Variants in ANO3 observed in about 807,000 individuals in gnomAD.
ANO3 encodes the protein anoctamin 3, also known as anoctamin-3.
A neutral mutation model predicts 144.8 loss-of-function variants in ANO3; 99 were observed. That is an observed-to-expected ratio of 0.68 (90% CI 0.58 to 0.81). The LOEUF is 0.81. Among genes scored for constraint, ANO3 ranks in the 30% least tolerant of loss-of-function variants. ANO3 has a pLI of 0.00. For missense variants in ANO3, 905 were observed against 1,202.2 expected, an observed-to-expected ratio of 0.75 and a Z score of 3.66; for synonymous variants, 414 against 392.6, an observed-to-expected ratio of 1.05 and a Z score of -0.64.
chr11:26,491,780 T>C, intron 4 of ANO3, among the ~76,000 whole-genome samples: 1 of 152,180 alleles, frequency 6.6e-6, no homozygotes, highest in Non-Finnish European at 1.5e-5. Context: ...CCCACTTCCA[T>C]GCTCACTGCC....
At chr11:26,524,307 A>G (rs768703685) in intron 6 of ANO3, among the ~76,000 whole-genome samples, 12 of 152,210 alleles carry the variant, frequency 7.9e-5, no homozygotes, top group Non-Finnish European at 1.5e-4. Flanking sequence ...TCAATGTTCC[A>G]TATTTGAAGT....
chr11:26,293,530 CATGT>C (rs66572177), intron 1 of ANO3, among the ~76,000 whole-genome samples: 14,794 of 61,776 alleles, frequency 0.24, 3,873 homozygotes, highest in Admixed American at 0.27. Flanking sequence ...CTATAAATTC[CATGT>C]ATATATATAT....
intron 1 of ANO3, among the ~76,000 whole-genome samples, chr11:26,314,167 T>C (rs550344987): frequency 2.2e-4 from 33 of 152,250 alleles, no homozygotes; most frequent in African/African-American, 7.7e-4. Flanking sequence ...CAGCATGCCA[T>C]GTTTTCCGTC....
chr11:26,660,497 C>T lies in ANO3; in HGVS notation c.*53C>T. 6.6e-7 allele frequency: 1 copy of T among 1,504,826 alleles called. No homozygotes were observed. Among genetic ancestry groups the T allele is most frequent in the Non-Finnish European group, 8.9e-7 (1 of 1,119,868 alleles). 93.2% of individuals were successfully genotyped at this position (1,504,826 alleles called of 1,614,324 possible). The stretch of plus-strand genomic sequence containing the variant: ...TAACATTAATGGGAAGAAATGATGG[C>T]AACTTTGAATGCTAGGTGAAATCTA... On this transcript the variant is annotated 3_prime_UTR_variant, in exon 27 of 27. Transcript: ENST00000256737.
intron 1 of ANO3, among the ~76,000 whole-genome samples, chr11:26,348,546 T>C (rs1446374019): frequency 1.3e-5 from 2 of 152,218 alleles, no homozygotes; most frequent in African/African-American, 2.4e-5. Context: ...AATAAATTCC[T>C]GTCCTTAAGA....
At chr11:26,605,193 G>A (rs1301838836) in intron 17 of ANO3, among the ~76,000 whole-genome samples, 1 of 152,124 alleles carries the variant, frequency 6.6e-6, no homozygotes, top group African/African-American at 2.4e-5. Flanking sequence ...TTTTGTCGTT[G>A]GTTCTGTTAA....
intron 14 of ANO3, among the ~76,000 whole-genome samples, chr11:26,592,959 T>C (rs1851495946): frequency 6.6e-6 from 1 of 152,048 alleles, no homozygotes; most frequent in Non-Finnish European, 1.5e-5. Context: ...ATATGAGGGG[T>C]CCTTCTATAA....
At chr11:26,306,473 T>C (rs1012084356), upstream of ANO3, among the ~76,000 whole-genome samples, 2 of 151,952 alleles carry the variant, frequency 1.3e-5, no homozygotes, top group African/African-American at 4.8e-5. Context: ...CTGACCAGCC[T>C]GGGCAATATA....
intron 14 of ANO3, among the ~76,000 whole-genome samples, chr11:26,570,067 G>A (rs1308127354): frequency 2.6e-5 from 4 of 151,950 alleles, no homozygotes; most frequent in Non-Finnish European, 5.9e-5. Context: ...GAGAAAGAAA[G>A]GAGGATTTCC....
chr11:26,417,620 T>G (rs1857629285), intron 1 of ANO3, among the ~76,000 whole-genome samples: 1 of 152,052 alleles, frequency 6.6e-6, no homozygotes, highest in African/African-American at 2.4e-5. Flanking sequence ...AGGTTACTGG[T>G]TAGCTATTAT....
chr11:26,296,193 A>G (rs1854084574), intron 1 of ANO3, among the ~76,000 whole-genome samples: 1 of 152,228 alleles, frequency 6.6e-6, no homozygotes, highest in Non-Finnish European at 1.5e-5. Context: ...ATATATGAAA[A>G]TGTTCTTGCT....
chr11:26,228,583 G>A (rs1361191980), intron 1 of ANO3, among the ~76,000 whole-genome samples: 1 of 152,162 alleles, frequency 6.6e-6, no homozygotes, highest in Admixed American at 6.5e-5. Context: ...GGAAGGAATT[G>A]AGATGAAGAA....
chr11:26,634,772 G>A (rs146506404), intron 19 of ANO3, among the ~76,000 whole-genome samples: 76 of 152,284 alleles, frequency 5.0e-4, no homozygotes, highest in African/African-American at 1.7e-3. Context: ...GACTCTCTAT[G>A]TGAGGGTCGG....
At chr11:26,363,733 T>A (rs1215878157) in intron 1 of ANO3, among the ~76,000 whole-genome samples, 9 of 152,126 alleles carry the variant, frequency 5.9e-5, no homozygotes, top group Non-Finnish European at 2.9e-5. Flanking sequence ...TGAGGCAAAC[T>A]GCACTGCTTC....
At position 26,599,012 on chromosome 11, in the gene ANO3, A is replaced by T. The variant is rs1198511075; in HGVS notation, c.1671+14A>T. On this transcript the variant is annotated intron_variant, in intron 16 of 26. Coordinates refer to ENST00000256737, the MANE Select transcript of ANO3 (RefSeq NM_031418.4). ...ATATTCTTCATGGTAAAGTATAGGCATCGATATCAAAATGTTTTGGGATTC... is the reference window on the plus strand; with the variant it reads ...ATATTCTTCATGGTAAAGTATAGGCTTCGATATCAAAATGTTTTGGGATTC... 8 of 1,610,164 alleles carry T rather than the reference A, an allele frequency of 5.0e-6. No individual in the cohort carries two copies. Among genetic ancestry groups the T allele is most frequent in the Non-Finnish European group, 6.8e-6 (8 of 1,178,988 alleles).
chr11:26,297,791 A>G (rs991515004), intron 1 of ANO3, among the ~76,000 whole-genome samples: 1 of 152,204 alleles, frequency 6.6e-6, no homozygotes, highest in African/African-American at 2.4e-5. Context: ...TAACACCACA[A>G]CAATGCAATG....
At chr11:26,486,450 C>T (rs909102120) in intron 4 of ANO3, among the ~76,000 whole-genome samples, 1 of 151,292 alleles carries the variant, frequency 6.6e-6, no homozygotes, top group African/African-American at 2.4e-5. Context: ...TTGGCTATAG[C>T]CATGTTTGAG....
intron 23 of ANO3, among the ~76,000 whole-genome samples, chr11:26,644,094 C>T (rs7933405): frequency 0.38 from 57,457 of 152,046 alleles, 11,730 homozygotes; most frequent in South Asian, 0.49. Flanking sequence ...ACAACATAAG[C>T]TGGTCCTACT....
chr11:26,267,791 C>T (rs1026869361), intron 1 of ANO3, among the ~76,000 whole-genome samples: 3 of 152,152 alleles, frequency 2.0e-5, no homozygotes, highest in Non-Finnish European at 4.4e-5. Context: ...ATTCCCTTTG[C>T]TGTGTCCACT....
Sources: allele counts gnomAD v4.1 joint callset (sites outside exome capture counted in the v4.1 genomes callset), GRCh38; gene constraint gnomAD v4.1.1; transcripts MANE v1.5; gene names NCBI Gene and HGNC (gene_info 2026-07-23, HGNC 2026-07-21).